Variants in MTUS2 observed in about 807,000 individuals in gnomAD.
MTUS2 encodes the protein microtubule-associated tumor suppressor candidate 2.
In MTUS2, 40 loss-of-function variants were observed where a neutral mutation model predicts 114.1. That is an observed-to-expected ratio of 0.35 (90% CI 0.27 to 0.46). MTUS2 has a LOEUF of 0.46. Among genes scored for constraint, MTUS2 ranks in the 20% least tolerant of loss-of-function variants. The probability of loss-of-function intolerance (pLI) is 1.00; values close to 1 mark genes in which losing one functional copy is unlikely to be tolerated. For synonymous variants in MTUS2, 688 were observed against 672.0 expected, an observed-to-expected ratio of 1.02 and a Z score of -0.37; for missense variants, 1,679 against 1,705.4, an observed-to-expected ratio of 0.98 and a Z score of 0.27.
At chr13:29,222,783 G>A (rs1256253754) in intron 5 of MTUS2, among the ~76,000 whole-genome samples, 13 of 152,264 alleles carry the variant, frequency 8.5e-5, no homozygotes. Flanking sequence ...AGGCTCAGAA[G>A]TGCCTGCTGT....
At chr13:29,103,691 G>A (rs1432854398) in intron 5 of MTUS2, among the ~76,000 whole-genome samples, 2 of 152,258 alleles carry the variant, frequency 1.3e-5, no homozygotes, top group African/African-American at 2.4e-5. Flanking sequence ...ATGACATTAC[G>A]GTGGCTAAGA....
intron 9 of MTUS2, among the ~76,000 whole-genome samples, chr13:29,448,752 T>C (rs1001221041): frequency 3.7e-5 from 4 of 109,254 alleles, no homozygotes; most frequent in Non-Finnish European, 7.4e-5. Context: ...AACAGAGTGC[T>C]CTTTTTTTTT....
intron 5 of MTUS2, among the ~76,000 whole-genome samples, chr13:29,178,316 G>A (rs1483633854): frequency 2.0e-5 from 3 of 151,964 alleles, no homozygotes; most frequent in African/African-American, 7.3e-5. Flanking sequence ...TTTCCCAAAC[G>A]ACCCATTGCT....
At chr13:29,073,027 T>G (rs1889014578) in intron 4 of MTUS2, among the ~76,000 whole-genome samples, 1 of 152,184 alleles carries the variant, frequency 6.6e-6, no homozygotes, top group African/African-American at 2.4e-5. Flanking sequence ...CCATTTCCCT[T>G]CTATGACATT....
chr13:28,938,181 G>A (rs1409398684), intron 2 of MTUS2, among the ~76,000 whole-genome samples: 1 of 152,096 alleles, frequency 6.6e-6, no homozygotes, highest in Non-Finnish European at 1.5e-5. Context: ...TCAGGAGATC[G>A]AGACCATCCT....
chr13:29,387,494 G>A lies in MTUS2; in HGVS notation c.3117+28021G>A, dbSNP rs1872705026. On this transcript the variant is annotated intron_variant, in intron 8 of 15. Coordinates refer to ENST00000612955, the MANE Select transcript of MTUS2 (RefSeq NM_001033602.4). Reference sequence around the variant, plus strand: ...ACAAGAGAAAGCCAGTTAAGCTGTGGGGCAGACATGTGACAATCTAGGTCA... The same window carrying A: ...ACAAGAGAAAGCCAGTTAAGCTGTGAGGCAGACATGTGACAATCTAGGTCA... 2.0e-5 allele frequency among the ~76,000 whole-genome samples: 3 copies of A among 152,168 alleles called. No individual in the cohort carries two copies. In the East Asian group the frequency reaches 5.8e-4, roughly 29 times the overall value.
At chr13:29,177,891 C>T (rs1046356340) in intron 5 of MTUS2, among the ~76,000 whole-genome samples, 1 of 152,150 alleles carries the variant, frequency 6.6e-6, no homozygotes, top group Non-Finnish European at 1.5e-5. Flanking sequence ...CTGTTATCTC[C>T]CAGGATCCCT....
chr13:29,274,416 A>G (rs1198723842), intron 5 of MTUS2, among the ~76,000 whole-genome samples: 2 of 152,022 alleles, frequency 1.3e-5, no homozygotes, highest in African/African-American at 2.4e-5. Flanking sequence ...GGCCAACTCT[A>G]TGTTTAACAC....
intron 6 of MTUS2, among the ~76,000 whole-genome samples, chr13:29,311,486 T>A (rs1381868880): frequency 6.6e-6 from 1 of 152,204 alleles, no homozygotes; most frequent in Non-Finnish European, 1.5e-5. Flanking sequence ...TGGTTTGAAA[T>A]AATGCATTTA....
intron 4 of MTUS2, among the ~76,000 whole-genome samples, chr13:29,042,587 G>C (rs1339668133): frequency 6.6e-6 from 1 of 151,780 alleles, no homozygotes; most frequent in Non-Finnish European, 1.5e-5. Flanking sequence ...CTGTGAACTC[G>C]TCTGGTCCTG....
intron 5 of MTUS2, among the ~76,000 whole-genome samples, chr13:29,209,543 T>C (rs1895336643): frequency 1.3e-5 from 2 of 152,132 alleles, no homozygotes; most frequent in African/African-American, 4.8e-5. Context: ...GTTTTATGCT[T>C]TAAGGGGGTT....
chr13:28,905,929 A>C (rs1463195914), intron 2 of MTUS2, among the ~76,000 whole-genome samples: 1 of 151,588 alleles, frequency 6.6e-6, no homozygotes. Flanking sequence ...CCACAATTTC[A>C]GAGCCTGTTA....
intron 9 of MTUS2, among the ~76,000 whole-genome samples, chr13:29,479,233 G>A (rs1880960673): frequency 6.6e-6 from 1 of 152,244 alleles, no homozygotes; most frequent in Non-Finnish European, 1.5e-5. Context: ...TAAATGATGT[G>A]TCTGTGTAGC....
intron 2 of MTUS2, among the ~76,000 whole-genome samples, chr13:28,853,198 G>A (rs1324652248): frequency 6.6e-6 from 1 of 152,120 alleles, no homozygotes; most frequent in African/African-American, 2.4e-5. Flanking sequence ...TGGTAGGCGG[G>A]GAGTTTAATT....
intron 7 of MTUS2, among the ~76,000 whole-genome samples, chr13:29,345,361 C>A (rs146281431): frequency 3.7e-4 from 56 of 151,818 alleles, no homozygotes; most frequent in African/African-American, 1.2e-3. Flanking sequence ...TTTTAAAATT[C>A]TTTTTTCTTT....
chr13:28,876,620 T>C (rs1038563292), intron 2 of MTUS2, among the ~76,000 whole-genome samples: 3 of 152,206 alleles, frequency 2.0e-5, no homozygotes, highest in Non-Finnish European at 4.4e-5. Flanking sequence ...ATCACCCTCT[T>C]TGTGGGTCTT....
At chr13:28,851,761 G>T (rs1406785642) in intron 2 of MTUS2, among the ~76,000 whole-genome samples, 2 of 61,376 alleles carry the variant, frequency 3.3e-5, no homozygotes, top group Non-Finnish European at 9.1e-5. Flanking sequence ...CGAAGTGTCA[G>T]TTTCCGCCCC....
rs1384774965 is a variant in MTUS2, at chr13:29,389,737, A to G, written c.3117+30264A>G. On this transcript the variant is annotated intron_variant, in intron 8 of 15. Coordinates refer to ENST00000612955, the MANE Select transcript of MTUS2 (RefSeq NM_001033602.4). ...TATATATACATACATATGTGTGTAT[A>G]TGTATATACATACATATGTGTGTAT... Among the ~76,000 whole-genome samples the G allele has an allele frequency of 1.1e-4, 9 of 80,848 alleles. 1 individual carries two copies. Among genetic ancestry groups the G allele is most frequent in the African/African-American group, 3.7e-4 (8 of 21,684 alleles). The allele number at this position is 80,848 out of a possible 152,430, so 53.0% of individuals were successfully genotyped here.
intron 5 of MTUS2, among the ~76,000 whole-genome samples, chr13:29,183,861 C>T (rs1427377231): frequency 1.3e-5 from 2 of 152,094 alleles, no homozygotes; most frequent in Non-Finnish European, 2.9e-5. Context: ...CATAATTTTA[C>T]TACAGAAAGA....
Sources: allele counts gnomAD v4.1 joint callset (sites outside exome capture counted in the v4.1 genomes callset), GRCh38; gene constraint gnomAD v4.1.1; transcripts MANE v1.5; gene names NCBI Gene and HGNC (gene_info 2026-07-23, HGNC 2026-07-21).